The following WWOX variants were observed in gnomAD, a reference collection of about 807,000 sequenced individuals.
The protein encoded by WWOX is WW domain containing oxidoreductase.
Under a neutral mutation model 46.2 loss-of-function variants are expected in WWOX, and 69 were observed. That is an observed-to-expected ratio of 1.49 (90% CI 1.23 to 1.82). The LOEUF (loss-of-function observed/expected upper bound fraction) is 1.82. Ranked by LOEUF, WWOX falls within the 40% of genes most tolerant of loss-of-function variation. WWOX has a pLI of 0.00. For missense variants in WWOX, 919 were observed against 542.6 expected, an observed-to-expected ratio of 1.69 and a Z score of -6.89; for synonymous variants, 359 against 202.6, an observed-to-expected ratio of 1.77 and a Z score of -6.56.
chr16:78,746,414 A>G (rs567269789), intron 8 of WWOX, among the ~76,000 whole-genome samples: 1 of 152,074 alleles, frequency 6.6e-6, no homozygotes, highest in Non-Finnish European at 1.5e-5. Context: ...AGGAGGATCA[A>G]CTGAGCCCAG....
At chr16:78,775,750 C>A (rs1477425989) in intron 8 of WWOX, among the ~76,000 whole-genome samples, 1 of 152,200 alleles carries the variant, frequency 6.6e-6, no homozygotes, top group Non-Finnish European at 1.5e-5. Flanking sequence ...TCATTAGCAT[C>A]ATTGCTAGTG....
At chr16:78,623,985 C>T (rs13380596) in intron 8 of WWOX, among the ~76,000 whole-genome samples, 2 of 152,196 alleles carry the variant, frequency 1.3e-5, no homozygotes, top group Admixed American at 6.5e-5. Context: ...AATGAGGGGA[C>T]TTCAAAGTCC....
At chr16:78,508,159 C>T (rs1205556539) in intron 8 of WWOX, among the ~76,000 whole-genome samples, 5 of 152,014 alleles carry the variant, frequency 3.3e-5, no homozygotes, top group East Asian at 3.9e-4. Context: ...CAGGTGCCCA[C>T]CACCAAGCTT....
At chr16:78,106,886 C>G (rs998140017) in intron 1 of WWOX, among the ~76,000 whole-genome samples, 1 of 152,118 alleles carries the variant, frequency 6.6e-6, no homozygotes, top group East Asian at 1.9e-4. Flanking sequence ...TGGCAGTAGC[C>G]CTGAGGAGAC....
intron 8 of WWOX, among the ~76,000 whole-genome samples, chr16:78,540,081 T>G (rs1279007193): frequency 6.6e-6 from 1 of 150,662 alleles, no homozygotes; most frequent in East Asian, 2.0e-4. Flanking sequence ...ACTGTAGAGT[T>G]AACATTCTTT....
chr16:78,607,790 T>A (rs1472861109), intron 8 of WWOX, among the ~76,000 whole-genome samples: 5 of 152,070 alleles, frequency 3.3e-5, no homozygotes, highest in Non-Finnish European at 7.4e-5. Context: ...TATTTGTCAT[T>A]TCTCTTTGGA....
At chr16:78,725,512 T>C (rs1359173194) in intron 8 of WWOX, among the ~76,000 whole-genome samples, 1 of 151,758 alleles carries the variant, frequency 6.6e-6, no homozygotes, top group Non-Finnish European at 1.5e-5. Flanking sequence ...CATGCACGGC[T>C]AATTTTGTAT....
At chr16:79,069,415 CTG>C (rs2048506726) in intron 8 of WWOX, among the ~76,000 whole-genome samples, 1 of 152,128 alleles carries the variant, frequency 6.6e-6, no homozygotes, top group Non-Finnish European at 1.5e-5. Flanking sequence ...TTTTGTTAAA[CTG>C]TGGTTTAAAG....
chr16:78,662,221 C>T lies in WWOX; in HGVS notation c.1056+229469C>T, dbSNP rs1031714115. ...AGTAAATAAGTGAGGTTTGTATAACCGAGGCCAGATCTTAGAACCTCCTGC... is the reference window on the plus strand; with the variant it reads ...AGTAAATAAGTGAGGTTTGTATAACTGAGGCCAGATCTTAGAACCTCCTGC... On this transcript the variant is annotated intron_variant, in intron 8 of 8. Transcript: ENST00000566780. Among the ~76,000 whole-genome samples, 13 of 152,014 alleles carry T rather than the reference C, an allele frequency of 8.6e-5. No individual in the cohort carries two copies. The South Asian group carries it at 1.9e-3, about 22-fold the overall frequency.
chr16:78,826,604 A>T lies in WWOX; in HGVS notation c.1057-385004A>T, dbSNP rs537162631. ...CTCCCTCTACCTTTCTGCTATGAAG[A>T]CACTTGTTTTTGGATTTAGGGTCTT... On this transcript the variant is annotated intron_variant, in intron 8 of 8. Coordinates refer to ENST00000566780, the MANE Select transcript of WWOX (RefSeq NM_016373.4). 1.6e-4 allele frequency among the ~76,000 whole-genome samples: 24 copies of T among 152,252 alleles called. No individual in the cohort carries two copies. The South Asian group carries it at 1.7e-3, about 11-fold the overall frequency.
intron 8 of WWOX, among the ~76,000 whole-genome samples, chr16:78,563,373 A>G (rs1168555003): frequency 2.0e-5 from 3 of 151,978 alleles, no homozygotes; most frequent in Non-Finnish European, 4.4e-5. Flanking sequence ...TCAGGGCAGT[A>G]TGGGGTGGTT....
At chr16:79,001,162 C>A (rs1159502872) in intron 8 of WWOX, among the ~76,000 whole-genome samples, 1 of 152,198 alleles carries the variant, frequency 6.6e-6, no homozygotes, top group Non-Finnish European at 1.5e-5. Flanking sequence ...ATTTAATTTG[C>A]TGCTGAATGC....
intron 8 of WWOX, among the ~76,000 whole-genome samples, chr16:79,087,705 A>C (rs2048879066): frequency 6.6e-6 from 1 of 152,162 alleles, no homozygotes; most frequent in African/African-American, 2.4e-5. Context: ...GAGGAGACTT[A>C]AGTTATAGAG....
At chr16:78,567,876 G>A (rs1399477137) in intron 8 of WWOX, among the ~76,000 whole-genome samples, 1 of 152,098 alleles carries the variant, frequency 6.6e-6, no homozygotes, top group Non-Finnish European at 1.5e-5. Context: ...AGCTCGTCCC[G>A]TGTCTAATGG....
intron 8 of WWOX, among the ~76,000 whole-genome samples, chr16:78,900,200 G>C (rs2044795528): frequency 6.6e-6 from 1 of 151,558 alleles, no homozygotes; most frequent in African/African-American, 2.4e-5. Context: ...CCTTCATGCA[G>C]ACCTGTACAT....
chr16:78,779,562 ATTGT>A (rs1181246571), intron 8 of WWOX, among the ~76,000 whole-genome samples: 1 of 152,136 alleles, frequency 6.6e-6, no homozygotes, highest in African/African-American at 2.4e-5. Context: ...CTTTGTACAG[ATTGT>A]TTAACCCTCA....
intron 8 of WWOX, among the ~76,000 whole-genome samples, chr16:78,586,829 T>G (rs2045219692): frequency 6.6e-6 from 1 of 152,158 alleles, no homozygotes; most frequent in Non-Finnish European, 1.5e-5. Flanking sequence ...GTCTATAATT[T>G]CAGACTCAGG....
At chr16:78,368,607 T>G (rs1198278858) in intron 5 of WWOX, among the ~76,000 whole-genome samples, 1 of 152,206 alleles carries the variant, frequency 6.6e-6, no homozygotes, top group Non-Finnish European at 1.5e-5. Flanking sequence ...AGGGAGAGCT[T>G]GCACTGAGGC....
intron 8 of WWOX, among the ~76,000 whole-genome samples, chr16:78,903,231 A>G (rs781158604): frequency 1.1e-4 from 17 of 152,186 alleles, no homozygotes; most frequent in Admixed American, 3.3e-4. Context: ...GTGGCCTGCA[A>G]TCAGTCTTAT....
Sources: allele counts gnomAD v4.1 joint callset (sites outside exome capture counted in the v4.1 genomes callset), GRCh38; gene constraint gnomAD v4.1.1; transcripts MANE v1.5; gene names NCBI Gene and HGNC (gene_info 2026-07-23, HGNC 2026-07-21).